ADGRL3: variants seen among roughly 807,000 people sequenced by gnomAD.
ADGRL3 encodes calcium-independent alpha-latrotoxin receptor 3.
ADGRL3 carries 62 observed loss-of-function variants against 153.5 expected under a neutral mutation model. The observed-to-expected ratio is 0.40, with a 90% confidence interval of 0.33 to 0.50. ADGRL3 has a LOEUF of 0.50. Ranked by LOEUF, ADGRL3 falls within the 20% of genes least tolerant of loss-of-function variation. ADGRL3 has a pLI of 0.47. For synonymous variants in ADGRL3, 710 were observed against 672.5 expected (o/e 1.06, Z -0.86); for missense variants, 1,641 against 1,859.4 (o/e 0.88, Z 2.16).
chr4:61,765,990 T>C (rs184547691), intron 8 of ADGRL3, among the ~76,000 whole-genome samples: 23 of 152,274 alleles, frequency 1.5e-4, no homozygotes, highest in Middle Eastern at 6.8e-3. Flanking sequence ...GCTTGTACTA[T>C]AGCATCATCT....
chr4:61,258,086 A>G (rs1021384438), intron 1 of ADGRL3, among the ~76,000 whole-genome samples: 13 of 152,138 alleles, frequency 8.5e-5, no homozygotes, highest in African/African-American at 3.1e-4. Flanking sequence ...GCAAGGACCT[A>G]TCCCCCCCAG....
intron 5 of ADGRL3, among the ~76,000 whole-genome samples, chr4:61,628,190 T>C (rs2092946411): frequency 6.6e-6 from 1 of 152,134 alleles, no homozygotes. Context: ...TCCTATTACA[T>C]TGTGGAAAAA....
chr4:61,478,069 T>G (rs770716509), intron 2 of ADGRL3, among the ~76,000 whole-genome samples: 1 of 152,210 alleles, frequency 6.6e-6, no homozygotes, highest in South Asian at 2.1e-4. Flanking sequence ...TCATTTTTTC[T>G]TATGAATTTG....
At chr4:61,747,502 A>C (rs1487141448) in intron 8 of ADGRL3, among the ~76,000 whole-genome samples, 2 of 147,652 alleles carry the variant, frequency 1.4e-5, no homozygotes, top group East Asian at 4.0e-4. Flanking sequence ...CAAAAAGCTT[A>C]TCCACCATGA....
intron 5 of ADGRL3, among the ~76,000 whole-genome samples, chr4:61,614,508 G>A (rs1488204828): frequency 1.3e-5 from 2 of 152,074 alleles, no homozygotes; most frequent in African/African-American, 4.8e-5. Flanking sequence ...ACTAGCTTCT[G>A]ATGGTTTCAA....
At chr4:61,283,781 C>A (rs1578113603) in intron 1 of ADGRL3, among the ~76,000 whole-genome samples, 1 of 151,882 alleles carries the variant, frequency 6.6e-6, no homozygotes, top group East Asian at 1.9e-4. Context: ...GGCTTCTTAC[C>A]CTGTTTGCAA....
chr4:61,829,738 G>GTA (rs1561318961), intron 9 of ADGRL3, among the ~76,000 whole-genome samples: 1 of 152,086 alleles, frequency 6.6e-6, no homozygotes, highest in African/African-American at 2.4e-5. Context: ...TATAAACAGG[G>GTA]TATAGTTAGT....
chr4:61,445,145 T>C (rs769632735), intron 2 of ADGRL3, among the ~76,000 whole-genome samples: 1 of 152,194 alleles, frequency 6.6e-6, no homozygotes, highest in Admixed American at 6.5e-5. Context: ...CTATACATTA[T>C]CTTATGTAAT....
intron 9 of ADGRL3, among the ~76,000 whole-genome samples, chr4:61,861,852 C>T (rs1014648136): frequency 2.0e-5 from 3 of 151,998 alleles, no homozygotes; most frequent in Non-Finnish European, 4.4e-5. Flanking sequence ...CTTGAAGGCC[C>T]GCCCTACCTG....
chr4:61,652,408 G>A (rs2055267), intron 5 of ADGRL3, among the ~76,000 whole-genome samples: 151,068 of 152,302 alleles, frequency 0.99, 74,938 homozygotes, highest in Middle Eastern at 1. Flanking sequence ...TAAATAAAGC[G>A]GAGGTCAGCA....
chr4:61,953,797 A>G (rs2098956249), intron 17 of ADGRL3, among the ~76,000 whole-genome samples: 3 of 152,204 alleles, frequency 2.0e-5, no homozygotes. Flanking sequence ...TGTTATAAAG[A>G]TCAGATGTAT....
intron 2 of ADGRL3, among the ~76,000 whole-genome samples, chr4:61,428,431 C>T (rs139141825): frequency 3.9e-5 from 6 of 152,174 alleles, no homozygotes; most frequent in African/African-American, 1.2e-4. Context: ...TTCCTTACAG[C>T]GACAGAAGAT....
intron 1 of ADGRL3, among the ~76,000 whole-genome samples, chr4:61,207,439 A>G (rs758427640): frequency 6.6e-6 from 1 of 152,154 alleles, no homozygotes; most frequent in Non-Finnish European, 1.5e-5. Context: ...TTCTTTATCC[A>G]GTCTATCATT....
At chr4:62,038,559 G>A (rs1726382866) in intron 24 of ADGRL3, among the ~76,000 whole-genome samples, 1 of 152,050 alleles carries the variant, frequency 6.6e-6, no homozygotes, top group Non-Finnish European at 1.5e-5. Context: ...GACATAGAGT[G>A]GTGTAGGTCA....
At chr4:61,847,613 A>ATATATATAATATATAATATAT (rs2098133589) in intron 9 of ADGRL3, among the ~76,000 whole-genome samples, 1 of 46,490 alleles carries the variant, frequency 2.2e-5, no homozygotes. Flanking sequence ...ATAATATATT[A>ATATATATAATATATAATATAT]TATATATAAT....
intron 2 of ADGRL3, among the ~76,000 whole-genome samples, chr4:61,462,001 T>C (rs570950422): frequency 6.6e-6 from 1 of 152,194 alleles, no homozygotes; most frequent in African/African-American, 2.4e-5. Context: ...TTATTAACTG[T>C]ACAAGAGGTA....
At chr4:61,952,735 G>C (rs1216472732) in intron 17 of ADGRL3, among the ~76,000 whole-genome samples, 1 of 152,122 alleles carries the variant, frequency 6.6e-6, no homozygotes, top group African/African-American at 2.4e-5. Context: ...AATCTGGATT[G>C]TATTACTCTG....
intron 8 of ADGRL3, among the ~76,000 whole-genome samples, chr4:61,762,547 T>G (rs1020884900): frequency 1.2e-4 from 18 of 152,176 alleles, no homozygotes; most frequent in African/African-American, 3.4e-4. Context: ...CTTACTACTA[T>G]GAAACAATAC....
chr4:61,296,989 A>G (rs1220878539), intron 1 of ADGRL3, among the ~76,000 whole-genome samples: 2 of 152,180 alleles, frequency 1.3e-5, no homozygotes, highest in African/African-American at 4.8e-5. Context: ...GAGAAAGATC[A>G]CTTTTAGAGC....
Sources: allele counts gnomAD v4.1 joint callset (sites outside exome capture counted in the v4.1 genomes callset), GRCh38; gene constraint gnomAD v4.1.1; transcripts MANE v1.5; gene names NCBI Gene and HGNC (gene_info 2026-07-23, HGNC 2026-07-21).